The following AATF variants were observed in gnomAD, a reference collection of about 807,000 sequenced individuals.
AATF encodes the protein protein AATF.
AATF carries 48 observed loss-of-function variants against 63.7 expected under a neutral mutation model. The observed-to-expected ratio is 0.75, with a 90% CI of 0.60 to 0.96. The LOEUF is 0.96. Ranked by LOEUF, AATF falls within the 40% of genes least tolerant of loss-of-function variation. AATF has a pLI of 0.00. For synonymous variants in AATF, 258 were observed against 247.7 expected (o/e 1.04, Z -0.39); for missense variants, 639 against 685.7 (o/e 0.93, Z 0.76).
rs2071009164 is a variant in AATF, at chr17:36,968,266, C to CTTTTTTT, written c.832+14362_832+14363insTTTTTTT. 8.6e-4 allele frequency among the ~76,000 whole-genome samples: 65 copies of CTTTTTTT among 75,570 alleles called. 11 individuals carry two copies. Among genetic ancestry groups the CTTTTTTT allele is most frequent in the African/African-American group, 3.5e-3 (64 of 18,492 alleles). 49.6% of individuals were successfully genotyped at this position (75,570 alleles called of 152,430 possible). ...CTTTTTTCTTTTTCTTTCTTTCCTT[C>CTTTTTTT]TTTCTTTTTTTTTTTTTTTTTTTTT... On this transcript the variant is annotated intron_variant, in intron 4 of 11. Coordinates refer to ENST00000619387, the MANE Select transcript of AATF (RefSeq NM_012138.4).
At chr17:37,051,372 A>G (rs1308335820) in intron 11 of AATF, 1 of 152,208 alleles carries the variant, frequency 6.6e-6, no homozygotes, top group Non-Finnish European at 1.5e-5. Flanking sequence ...TGACCTAGCA[A>G]ATTGAAAGCC....
chr17:36,969,490 A>G (rs2071022484), intron 4 of AATF, among the ~76,000 whole-genome samples: 1 of 152,010 alleles, frequency 6.6e-6, no homozygotes, highest in Non-Finnish European at 1.5e-5. Context: ...GCCTGCTTTG[A>G]TCTCCTTTTC....
chr17:36,961,606 C>T (rs2142212768), intron 4 of AATF, among the ~76,000 whole-genome samples: 1 of 152,076 alleles, frequency 6.6e-6, no homozygotes, highest in Non-Finnish European at 1.5e-5. Flanking sequence ...CTAGTGGATA[C>T]TGTATCATAT....
At chr17:37,046,375 G>A (rs188955009) in intron 11 of AATF, among the ~76,000 whole-genome samples, 1 of 152,210 alleles carries the variant, frequency 6.6e-6, no homozygotes, top group East Asian at 1.9e-4. Flanking sequence ...GAACCTGGGA[G>A]AAGGAAGGCA....
At chr17:37,029,740 A>G (rs756058699) in intron 10 of AATF, among the ~76,000 whole-genome samples, 6 of 147,990 alleles carry the variant, frequency 4.1e-5, no homozygotes, top group Non-Finnish European at 9.0e-5. Flanking sequence ...TAATTTTTGT[A>G]TTTTTAGTAG....
chr17:36,952,948 G>C lies in AATF; in HGVS notation c.346G>C (p.Glu116Gln). ...AGATTCAGAGGGACTGGGTCTGGAG[G>C]AATATGATGAGGACGACCTGGGTGC... is the stretch of plus-strand genomic sequence containing the variant. ...DEDSEGLGLE[E>Q]YDEDDLGAAE... The change falls in exon 3 of 12, where the codon GAA becomes CAA. Residue 116 changes from glutamate (E) to glutamine (Q), a missense_variant. Coordinates refer to ENST00000619387, the MANE Select transcript of AATF (RefSeq NM_012138.4). 6.2e-7 allele frequency: 1 copy of C among 1,614,156 alleles called. No homozygotes were observed. Among genetic ancestry groups the C allele is most frequent in the Non-Finnish European group, 8.5e-7 (1 of 1,180,030 alleles).
At chr17:36,985,246 G>A (rs2071158749) in intron 4 of AATF, among the ~76,000 whole-genome samples, 1 of 151,950 alleles carries the variant, frequency 6.6e-6, no homozygotes, top group Non-Finnish European at 1.5e-5. Context: ...CCCTGGCTGA[G>A]GATGAGGTTT....
intron 4 of AATF, among the ~76,000 whole-genome samples, chr17:36,967,335 T>C (rs1409363313): frequency 6.6e-6 from 1 of 152,232 alleles, no homozygotes; most frequent in African/African-American, 2.4e-5. Flanking sequence ...ACACTATGAT[T>C]ATTTTCCTTT....
In AATF at chr17:36,988,725, G is replaced by A; in HGVS notation, c.1149+5G>A. On this transcript the variant is annotated splice_donor_5th_base_variant and intron_variant, in intron 6 of 11. Coordinates refer to ENST00000619387, the MANE Select transcript of AATF (RefSeq NM_012138.4). ...GCTTCTGGAAAACTGGGGAAGGCAA[G>A]TGTGTGTATGCGCGCATGTATGTGT... 3.1e-6 allele frequency: 5 copies of A among 1,613,478 alleles called. No individual in the cohort carries two copies. The highest frequency in any genetic ancestry group is 4.2e-6 in the Non-Finnish European group (5 of 1,179,810).
intron 4 of AATF, 93 bp from the exon 5 acceptor site, chr17:36,986,524 C>A (rs901875461): frequency 6.1e-6 from 6 of 989,462 alleles, no homozygotes; most frequent in Non-Finnish European, 9.7e-6. Flanking sequence ...CTCCCCACAG[C>A]CAGAACTGCT....
chr17:37,002,709 G>A (rs1025528735), intron 8 of AATF, among the ~76,000 whole-genome samples: 4 of 151,174 alleles, frequency 2.6e-5, no homozygotes, highest in Non-Finnish European at 5.9e-5. Context: ...AAATACCTAG[G>A]AATAAACTTA....
At chr17:37,048,878 G>C (rs2071720364) in intron 11 of AATF, among the ~76,000 whole-genome samples, 1 of 152,260 alleles carries the variant, frequency 6.6e-6, no homozygotes, top group Middle Eastern at 3.4e-3. Context: ...GGATGAATTT[G>C]GGTCGGGGAA....
At chr17:37,029,627 A>T (rs1476794620) in intron 10 of AATF, among the ~76,000 whole-genome samples, 3 of 151,862 alleles carry the variant, frequency 2.0e-5, no homozygotes, top group Non-Finnish European at 1.5e-5. Flanking sequence ...GTGCAGTGAC[A>T]TAATCTCGAT....
intron 2 of AATF, among the ~76,000 whole-genome samples, chr17:36,951,859 G>T (rs192633060): frequency 6.6e-6 from 1 of 152,142 alleles, no homozygotes; most frequent in Admixed American, 6.5e-5. Flanking sequence ...GACCTGTCAC[G>T]CTTTCCTAAA....
At chr17:36,949,503 G>A (rs1379955645) in intron 1 of AATF, among the ~76,000 whole-genome samples, 3 of 152,258 alleles carry the variant, frequency 2.0e-5, no homozygotes, top group South Asian at 2.1e-4. Flanking sequence ...CTGTTGGAGG[G>A]AGCCAGAGAG....
intron 8 of AATF, among the ~76,000 whole-genome samples, chr17:36,991,399 A>G (rs2071213653): frequency 6.6e-6 from 1 of 152,144 alleles, no homozygotes; most frequent in Non-Finnish European, 1.5e-5. Context: ...GAGAATTGGT[A>G]GAAGTTGAAA....
At position 36,968,090 on chromosome 17, in the gene AATF, C is replaced by G. The variant is rs1597704050; in HGVS notation, c.832+14183C>G. Among the ~76,000 whole-genome samples, 2 of 151,684 alleles carry G rather than the reference C, an allele frequency of 1.3e-5. 1 individual carries two copies. The highest frequency in any genetic ancestry group is 6.8e-3 in the Middle Eastern group (2 of 294). ...TGTTTCCTTTCTCTCTGTCCTCTCTCTTTCTGGAAGGCCTATTACTTGGCA... is the reference window on the plus strand; with the variant it reads ...TGTTTCCTTTCTCTCTGTCCTCTCTGTTTCTGGAAGGCCTATTACTTGGCA... On this transcript the variant is annotated intron_variant, in intron 4 of 11. Transcript: ENST00000619387.
chr17:36,968,266 CTTTCTTTTTTTTTTTT>C (rs1188842014), intron 4 of AATF, among the ~76,000 whole-genome samples: 13,088 of 75,270 alleles, frequency 0.17, 1,057 homozygotes, highest in Non-Finnish European at 0.23. Context: ...TTCTTTCCTT[CTTTCTTTTTTTTTTTT>C]TTTTTTTTTT....
At chr17:36,996,682 G>C (rs2071257381) in intron 8 of AATF, among the ~76,000 whole-genome samples, 1 of 152,156 alleles carries the variant, frequency 6.6e-6, no homozygotes, top group Non-Finnish European at 1.5e-5. Context: ...TCAATGTTTA[G>C]ACCCAGGTAT....
Sources: gnomAD v4.1 joint callset for allele counts (sites outside exome capture counted in the v4.1 genomes callset) on GRCh38, gnomAD v4.1.1 for gene constraint, MANE v1.5 for transcripts, NCBI Gene and HGNC (gene_info 2026-07-23, HGNC 2026-07-21) for gene names.